The following GRM7 variants were observed in gnomAD, a reference collection of about 807,000 sequenced individuals.
The protein encoded by GRM7 is glutamate metabotropic receptor 7, also known as metabotropic glutamate receptor 7.
GRM7 carries 35 observed loss-of-function variants against 84.5 expected under a neutral mutation model. That is an observed-to-expected ratio of 0.41 (90% CI 0.32 to 0.55). The LOEUF (loss-of-function observed/expected upper bound fraction) is 0.55. GRM7 is among the 20% of genes least tolerant of loss of function. GRM7 has a pLI of 0.19. For missense variants in GRM7, 1,003 were observed against 1,194.6 expected, an observed-to-expected ratio of 0.84 and a Z score of 2.36; for synonymous variants, 487 against 455.1, an observed-to-expected ratio of 1.07 and a Z score of -0.89.
At chr3:6,940,371 T>C (rs1259535934) in intron 1 of GRM7, among the ~76,000 whole-genome samples, 4 of 152,140 alleles carry the variant, frequency 2.6e-5, no homozygotes, top group Non-Finnish European at 4.4e-5. Context: ...ATTACAGGAG[T>C]GAACCACTGC....
chr3:6,916,196 C>T (rs1432002200), intron 1 of GRM7, among the ~76,000 whole-genome samples: 4 of 152,148 alleles, frequency 2.6e-5, no homozygotes, highest in African/African-American at 9.7e-5. Flanking sequence ...ACAGACAGAG[C>T]TCATGTAGTC....
In GRM7 at chr3:7,132,785, C is replaced by T. The variant is rs575621419; in HGVS notation, c.520-13667C>T. Among the ~76,000 whole-genome samples the T allele has an allele frequency of 1.2e-4, 19 of 152,274 alleles. No individual in the cohort carries two copies. The East Asian group carries it at 3.1e-3, about 25-fold the overall frequency. ...GCTTGCTTGACGCTGAAAGTGGCTT[C>T]GGAATCATTAAGTGAAGATTTCACC... is the stretch of plus-strand genomic sequence containing the variant. On this transcript the variant is annotated intron_variant, in intron 1 of 9. Coordinates refer to ENST00000357716, the MANE Select transcript of GRM7 (RefSeq NM_000844.4).
chr3:7,087,459 C>T (rs1698500330), intron 1 of GRM7, among the ~76,000 whole-genome samples: 1 of 150,782 alleles, frequency 6.6e-6, no homozygotes, highest in Admixed American at 6.6e-5. Context: ...CAGGTGATAG[C>T]TAGGGAAAAG....
intron 7 of GRM7, among the ~76,000 whole-genome samples, chr3:7,526,019 G>T (rs1700793603): frequency 6.6e-6 from 1 of 152,076 alleles, no homozygotes; most frequent in Non-Finnish European, 1.5e-5. Context: ...ATGAGTACAT[G>T]TGTCTTTTTG....
At chr3:6,973,469 A>G (rs1693847721) in intron 1 of GRM7, among the ~76,000 whole-genome samples, 1 of 152,218 alleles carries the variant, frequency 6.6e-6, no homozygotes, top group Admixed American at 6.5e-5. Context: ...ATATATGTGT[A>G]CACATATATG....
intron 8 of GRM7, among the ~76,000 whole-genome samples, chr3:7,666,519 A>T (rs1470780509): frequency 6.6e-6 from 1 of 152,204 alleles, no homozygotes; most frequent in African/African-American, 2.4e-5. Flanking sequence ...GAGGCAAAAA[A>T]TGGATGTGGC....
intron 2 of GRM7, among the ~76,000 whole-genome samples, chr3:7,185,253 T>C (rs1404177621): frequency 6.6e-6 from 1 of 152,162 alleles, no homozygotes; most frequent in Non-Finnish European, 1.5e-5. Flanking sequence ...CTCAACACCT[T>C]CACAGGGAGT....
intron 1 of GRM7, among the ~76,000 whole-genome samples, chr3:6,869,458 T>G (rs1695041024): frequency 6.6e-6 from 1 of 152,090 alleles, no homozygotes; most frequent in Admixed American, 6.6e-5. Context: ...AATTAATCAT[T>G]ATTGCTAATT....
intron 1 of GRM7, among the ~76,000 whole-genome samples, chr3:6,872,615 C>A (rs1040039297): frequency 2.6e-5 from 4 of 151,974 alleles, no homozygotes; most frequent in South Asian, 2.1e-4. Flanking sequence ...CTCCCTTAGC[C>A]CCCCCAACCC....
chr3:7,610,166 A>G (rs1488223618), intron 8 of GRM7, among the ~76,000 whole-genome samples: 1 of 152,214 alleles, frequency 6.6e-6, no homozygotes, highest in Non-Finnish European at 1.5e-5. Context: ...ACTAAAAGGC[A>G]CTTAAACTTT....
chr3:7,290,063 A>C (rs1358302428), intron 2 of GRM7, among the ~76,000 whole-genome samples: 1 of 152,202 alleles, frequency 6.6e-6, no homozygotes, highest in Non-Finnish European at 1.5e-5. Context: ...TTAGTATTTT[A>C]TGTTAATTTC....
intron 2 of GRM7, among the ~76,000 whole-genome samples, chr3:7,174,245 G>C (rs569672588): frequency 6.6e-6 from 1 of 152,270 alleles, no homozygotes; most frequent in South Asian, 2.1e-4. Flanking sequence ...AGAAGATCGT[G>C]AGTATCAGAA....
At chr3:6,969,092 T>C (rs1693637566) in intron 1 of GRM7, among the ~76,000 whole-genome samples, 1 of 150,420 alleles carries the variant, frequency 6.6e-6, no homozygotes, top group Non-Finnish European at 1.5e-5. Flanking sequence ...CAGGGTGTTT[T>C]TTTTTTCTTT....
At chr3:7,626,065 G>T (rs574724819) in intron 8 of GRM7, among the ~76,000 whole-genome samples, 2 of 152,052 alleles carry the variant, frequency 1.3e-5, no homozygotes, top group African/African-American at 2.4e-5. Context: ...TTCTGGGAGA[G>T]GGGGAGCTGT....
intron 7 of GRM7, among the ~76,000 whole-genome samples, chr3:7,526,442 T>C (rs926415027): frequency 2.6e-5 from 4 of 152,268 alleles, no homozygotes; most frequent in African/African-American, 9.6e-5. Context: ...CATTGTTGAA[T>C]GCATAGTTTA....
chr3:7,428,275 C>T (rs140397177), intron 5 of GRM7, among the ~76,000 whole-genome samples: 49 of 150,028 alleles, frequency 3.3e-4, no homozygotes, highest in African/African-American at 1.1e-3. Context: ...AAAGAAAAGA[C>T]TGTCCTTGAA....
intron 1 of GRM7, among the ~76,000 whole-genome samples, chr3:7,082,540 A>G (rs1321279377): frequency 3.9e-5 from 6 of 152,154 alleles, no homozygotes; most frequent in Admixed American, 3.9e-4. Flanking sequence ...CTATGGACCA[A>G]GGAGTAATTT....
chr3:7,009,408 G>A (rs1032166650), intron 1 of GRM7, among the ~76,000 whole-genome samples: 1 of 152,164 alleles, frequency 6.6e-6, no homozygotes, highest in African/African-American at 2.4e-5. Context: ...TTGTAGTACT[G>A]ACCCAAGGTC....
At chr3:7,392,867 C>A (rs575611397) in intron 4 of GRM7, among the ~76,000 whole-genome samples, 2 of 152,314 alleles carry the variant, frequency 1.3e-5, no homozygotes, top group South Asian at 4.1e-4. Context: ...AGTCTCACCA[C>A]AGCCTGTTAC....
Sources: allele counts gnomAD v4.1 joint callset (sites outside exome capture counted in the v4.1 genomes callset), GRCh38; gene constraint gnomAD v4.1.1; transcripts MANE v1.5; gene names NCBI Gene and HGNC (gene_info 2026-07-23, HGNC 2026-07-21).